The following DLC1 variants were observed in gnomAD, a reference collection of about 807,000 sequenced individuals.
DLC1 encodes the protein DLC1 Rho GTPase activating protein.
In DLC1, 54 loss-of-function variants were observed where a neutral mutation model predicts 140.3. The ratio of observed to expected loss-of-function variants is 0.38; its 90% CI spans 0.31 to 0.48. The LOEUF (loss-of-function observed/expected upper bound fraction) is 0.48. DLC1 is among the 20% of genes least tolerant of loss of function. DLC1 has a pLI of 0.96. For synonymous variants in DLC1, 986 were observed against 728.1 expected (o/e 1.35, Z -5.70); for missense variants, 2,536 against 1,907.0 (o/e 1.33, Z -6.14).
At position 13,500,118 on chromosome 8, in the gene DLC1, G is replaced by T; in HGVS notation, c.-47C>A. The stretch of plus-strand genomic sequence containing the variant: ...ACAGAGAGATATATTCCATATGAGG[G>T]TAAAGGAGATGGAACTTGATGAAAG... On this transcript the variant is annotated 5_prime_UTR_variant, in exon 2 of 18. Transcript: ENST00000276297. 1 of 1,475,286 alleles carries T rather than the reference G, an allele frequency of 6.8e-7. No homozygotes were observed. The highest frequency in any genetic ancestry group is 1.3e-5 in the South Asian group (1 of 79,824). 91.4% of individuals were successfully genotyped at this position (1,475,286 alleles called of 1,614,324 possible).
intron 2 of DLC1, among the ~76,000 whole-genome samples, chr8:13,456,761 A>G (rs914284690): frequency 6.6e-6 from 1 of 152,164 alleles, no homozygotes; most frequent in Non-Finnish European, 1.5e-5. Flanking sequence ...GCCCCCCTCC[A>G]TAATATACTG....
chr8:13,325,013 G>A (rs976510404), intron 4 of DLC1, among the ~76,000 whole-genome samples: 2 of 152,158 alleles, frequency 1.3e-5, no homozygotes, highest in African/African-American at 2.4e-5. Flanking sequence ...TACGTCCCAA[G>A]TTTCTTAAAA....
At chr8:13,368,764 A>C (rs1835603142) in intron 4 of DLC1, among the ~76,000 whole-genome samples, 1 of 152,154 alleles carries the variant, frequency 6.6e-6, no homozygotes, top group Non-Finnish European at 1.5e-5. Flanking sequence ...GTTTCTTCCA[A>C]GTAAGGATAA....
chr8:13,514,084 A>G (rs996748884), intron 1 of DLC1, among the ~76,000 whole-genome samples: 4 of 152,074 alleles, frequency 2.6e-5, no homozygotes, highest in African/African-American at 7.2e-5. Context: ...GAAGCTTGAC[A>G]TATGATTGAA....
At chr8:13,418,243 C>A (rs1344567095) in intron 2 of DLC1, among the ~76,000 whole-genome samples, 1 of 152,064 alleles carries the variant, frequency 6.6e-6, no homozygotes, top group African/African-American at 2.4e-5. Context: ...TCAATTTTGT[C>A]TTTTGTTGCC....
At chr8:13,261,534 G>T (rs932093376) in intron 5 of DLC1, among the ~76,000 whole-genome samples, 1 of 152,246 alleles carries the variant, frequency 6.6e-6, no homozygotes, top group East Asian at 1.9e-4. Flanking sequence ...TGTTTGGAAT[G>T]AATTACAGGA....
intron 10 of DLC1, among the ~76,000 whole-genome samples, chr8:13,096,342 T>C (rs1438715308): frequency 6.6e-6 from 1 of 152,104 alleles, no homozygotes; most frequent in African/African-American, 2.4e-5. Flanking sequence ...AGGGAAAATA[T>C]TACTCTAAGC....
At chr8:13,383,205 T>G (rs934413759) in intron 4 of DLC1, among the ~76,000 whole-genome samples, 23 of 152,324 alleles carry the variant, frequency 1.5e-4, no homozygotes, top group African/African-American at 5.3e-4. Flanking sequence ...GTATGAATGA[T>G]TCCAGCCAAA....
intron 1 of DLC1, among the ~76,000 whole-genome samples, chr8:13,589,250 A>T (rs1805433674): frequency 6.6e-6 from 1 of 152,092 alleles, no homozygotes; most frequent in Non-Finnish European, 1.5e-5. Context: ...TTATAATAGA[A>T]CTGAGATCTT....
chr8:13,214,273 G>T (rs1241439981), intron 5 of DLC1: 1 of 192,496 alleles, frequency 5.2e-6, no homozygotes, highest in Non-Finnish European at 1.1e-5. Context: ...TGCAAAGGAA[G>T]TTTCTTCTAA....
chr8:13,211,642 A>G (rs1827947682), intron 5 of DLC1, among the ~76,000 whole-genome samples: 1 of 152,198 alleles, frequency 6.6e-6, no homozygotes, highest in Non-Finnish European at 1.5e-5. Context: ...TCAGTTGTCA[A>G]CAAATGCTAG....
At chr8:13,124,489 C>T (rs1372256084) in intron 5 of DLC1, among the ~76,000 whole-genome samples, 2 of 152,186 alleles carry the variant, frequency 1.3e-5, no homozygotes, top group Non-Finnish European at 1.5e-5. Context: ...ATGGAAGCAC[C>T]TTCTGAGCCT....
chr8:13,408,353 T>A (rs891221134), intron 2 of DLC1, among the ~76,000 whole-genome samples: 2 of 152,212 alleles, frequency 1.3e-5, no homozygotes, highest in African/African-American at 4.8e-5. Flanking sequence ...GGCTTTATAT[T>A]ATCTGTTTAA....
chr8:13,093,676 C>A (rs1484633691), intron 12 of DLC1, among the ~76,000 whole-genome samples: 2 of 152,080 alleles, frequency 1.3e-5, no homozygotes, highest in Non-Finnish European at 2.9e-5. Context: ...ATAACAAATA[C>A]CTCGGTGAGG....
intron 5 of DLC1, among the ~76,000 whole-genome samples, chr8:13,161,006 G>A (rs561851574): frequency 3.9e-5 from 6 of 152,290 alleles, no homozygotes; most frequent in East Asian, 1.9e-4. Context: ...GCACGAACCC[G>A]GGAGGCAGAG....
chr8:13,218,832 C>CTGTATATGAATATATTTATATAAT (rs1828343537), intron 5 of DLC1, among the ~76,000 whole-genome samples: 3 of 36,988 alleles, frequency 8.1e-5, no homozygotes, highest in African/African-American at 3.4e-4. Flanking sequence ...ATGAATATAA[C>CTGTATATGAATATATTTATATAAT]TATATATGAA....
At chr8:13,187,351 T>G (rs933555115) in intron 5 of DLC1, among the ~76,000 whole-genome samples, 2 of 152,188 alleles carry the variant, frequency 1.3e-5, no homozygotes, top group African/African-American at 2.4e-5. Context: ...TAGATATTTG[T>G]TGAATGAAGG....
intron 4 of DLC1, among the ~76,000 whole-genome samples, chr8:13,355,757 C>G (rs1489723400): frequency 1.3e-5 from 2 of 151,982 alleles, no homozygotes; most frequent in Non-Finnish European, 2.9e-5. Flanking sequence ...TTTTTGGCAT[C>G]TCTAACACAA....
At chr8:13,570,999 T>C (rs561767970) in intron 1 of DLC1, among the ~76,000 whole-genome samples, 12 of 152,034 alleles carry the variant, frequency 7.9e-5, no homozygotes, top group Middle Eastern at 3.4e-3. Context: ...AATCAGGGAG[T>C]GGACATTTAC....
Sources: gnomAD v4.1 joint callset for allele counts (sites outside exome capture counted in the v4.1 genomes callset) on GRCh38, gnomAD v4.1.1 for gene constraint, MANE v1.5 for transcripts, NCBI Gene and HGNC (gene_info 2026-07-23, HGNC 2026-07-21) for gene names.